The following MBNL1 variants were observed in gnomAD, a reference collection of about 807,000 sequenced individuals.
The protein encoded by MBNL1 is muscleblind-like protein 1.
Under a neutral mutation model 42.2 loss-of-function variants are expected in MBNL1, and 8 were observed. The ratio of observed to expected loss-of-function variants is 0.19; its 90% CI spans 0.11 to 0.34. The LOEUF (loss-of-function observed/expected upper bound fraction) is 0.34, where lower values mean the gene tolerates loss of function less well. Among genes scored for constraint, MBNL1 ranks in the 10% least tolerant of loss-of-function variants. The pLI is 1.00. For missense variants in MBNL1, 309 were observed against 495.3 expected (o/e 0.62, Z 3.57); for synonymous variants, 169 against 173.9 (o/e 0.97, Z 0.22).
At chr3:152,400,267 T>C (rs181648026) in intron 2 of MBNL1, among the ~76,000 whole-genome samples, 30 of 152,314 alleles carry the variant, frequency 2.0e-4, no homozygotes, top group Admixed American at 1.8e-3. Flanking sequence ...ACATCTTCTC[T>C]CCTTACTTGA....
chr3:152,438,352 A>G (rs956798904), intron 4 of MBNL1, among the ~76,000 whole-genome samples: 9 of 152,238 alleles, frequency 5.9e-5, no homozygotes, highest in African/African-American at 2.2e-4. Flanking sequence ...TGTTAAATGA[A>G]TGGATAAATG....
At chr3:152,342,536 A>G (rs1406388119) in intron 2 of MBNL1, among the ~76,000 whole-genome samples, 2 of 144,896 alleles carry the variant, frequency 1.4e-5, no homozygotes, top group Non-Finnish European at 3.0e-5. Flanking sequence ...ACTCTGTCTT[A>G]CTGGGAAACT....
intron 6 of MBNL1, among the ~76,000 whole-genome samples, chr3:152,452,213 T>C (rs1476125521): frequency 2.0e-5 from 3 of 152,260 alleles, no homozygotes; most frequent in Admixed American, 2.0e-4. Context: ...ATGCATAATT[T>C]AGGATCTATT....
chr3:152,349,482 T>A (rs528389874), intron 2 of MBNL1, among the ~76,000 whole-genome samples: 1 of 152,264 alleles, frequency 6.6e-6, no homozygotes, highest in African/African-American at 2.4e-5. Context: ...GGAAACTGAC[T>A]TTGAACAGAT....
intron 2 of MBNL1, among the ~76,000 whole-genome samples, chr3:152,365,545 T>C (rs2096300180): frequency 6.6e-6 from 1 of 152,186 alleles, no homozygotes; most frequent in Non-Finnish European, 1.5e-5. Context: ...CAGAGGTTGC[T>C]AAAAGGATGT....
chr3:152,279,983 A>T lies in MBNL1; in HGVS notation c.-790+10891A>T, dbSNP rs538394720. 9.9e-4 allele frequency among the ~76,000 whole-genome samples: 151 copies of T among 152,272 alleles called. 1 individual carries two copies. Among genetic ancestry groups the T allele is most frequent in the African/African-American group, 3.6e-3 (148 of 41,572 alleles). On this transcript the variant is annotated intron_variant, in intron 1 of 9. Coordinates refer to ENST00000324210, the MANE Select transcript of MBNL1 (RefSeq NM_021038.5). The stretch of plus-strand genomic sequence containing the variant: ...TTTGCTAACAAATTCCTCTCTTCAT[A>T]GAGCTATTTAGAACATATGGCAAAT...
At chr3:152,400,894 G>A (rs1460567287) in intron 2 of MBNL1, among the ~76,000 whole-genome samples, 1 of 152,190 alleles carries the variant, frequency 6.6e-6, no homozygotes, top group African/African-American at 2.4e-5. Flanking sequence ...AAAAGGTTGT[G>A]GTTGATTGGT....
chr3:152,416,654 C>T (rs2153657390), intron 3 of MBNL1, among the ~76,000 whole-genome samples: 1 of 152,288 alleles, frequency 6.6e-6, no homozygotes, highest in East Asian at 1.9e-4. Flanking sequence ...ACTGGGAGCA[C>T]CTTTGAGATC....
Position 152,357,417 on chromosome 3 carries a change from A to G in MBNL1, c.174+57050A>G, listed in dbSNP as rs530613389. ...ATGGCTGTTGTGAGTTGTGTATAAA[A>G]TAATACTGTTTTGTAAATATAAATC... On this transcript the variant is annotated intron_variant, in intron 2 of 9. Transcript: ENST00000324210. 2.6e-5 allele frequency among the ~76,000 whole-genome samples: 4 copies of G among 152,358 alleles called. No homozygotes were observed. In the South Asian group the frequency reaches 8.3e-4, roughly 32 times the overall value.
intron 9 of MBNL1, among the ~76,000 whole-genome samples, chr3:152,459,971 T>A (rs550225424): frequency 6.6e-6 from 1 of 150,644 alleles, no homozygotes; most frequent in East Asian, 1.9e-4. Flanking sequence ...GTAATGAGTT[T>A]GGCTAAGCGT....
At chr3:152,263,565 G>A (rs1455725872), upstream of MBNL1, 5 of 152,162 alleles carry the variant, frequency 3.3e-5, no homozygotes, top group Non-Finnish European at 7.3e-5. Flanking sequence ...TGGGTCCCCA[G>A]CCATTTGCTG....
At chr3:152,347,073 T>C (rs1454367503) in intron 2 of MBNL1, among the ~76,000 whole-genome samples, 1 of 151,962 alleles carries the variant, frequency 6.6e-6, no homozygotes, top group East Asian at 1.9e-4. Context: ...AAGTTTAGGA[T>C]TGAGAGATTG....
At chr3:152,322,559 A>T (rs888291054) in intron 2 of MBNL1, among the ~76,000 whole-genome samples, 1 of 152,092 alleles carries the variant, frequency 6.6e-6, no homozygotes, top group African/African-American at 2.4e-5. Flanking sequence ...CATCTATATT[A>T]TCTCAGTCTG....
At chr3:152,333,750 A>G in intron 2 of MBNL1, among the ~76,000 whole-genome samples, 1 of 152,254 alleles carries the variant, frequency 6.6e-6, no homozygotes, top group East Asian at 1.9e-4. Flanking sequence ...TACCATTGAT[A>G]TTATTTGCTG....
Position 152,351,858 on chromosome 3 carries a change from T to G in MBNL1, c.174+51491T>G, listed in dbSNP as rs148313041. ...CACATGATAAAGCCTTATTAAATGT[T>G]AGCTACTATTATTATATTTTCAGAT... On this transcript the variant is annotated intron_variant, in intron 2 of 9. Transcript: ENST00000324210. Among the ~76,000 whole-genome samples, 555 of 152,346 alleles carry G rather than the reference T, an allele frequency of 3.6e-3. 4 individuals are homozygous for G. The highest frequency in any genetic ancestry group is 6.7e-3 in the Non-Finnish European group (457 of 68,020).
At chr3:152,303,740 C>T (rs2061691686) in intron 2 of MBNL1, among the ~76,000 whole-genome samples, 1 of 151,890 alleles carries the variant, frequency 6.6e-6, no homozygotes. Context: ...AAAAAAAAAG[C>T]TTTTACGATA....
At chr3:152,403,205 TAA>T (rs36081596) in intron 2 of MBNL1, among the ~76,000 whole-genome samples, 1 of 150,778 alleles carries the variant, frequency 6.6e-6, no homozygotes, top group Non-Finnish European at 1.5e-5. Flanking sequence ...TCTGGTTTGT[TAA>T]AAAAAAAACT....
chr3:152,345,349 A>G (rs2094067787), intron 2 of MBNL1, among the ~76,000 whole-genome samples: 1 of 152,124 alleles, frequency 6.6e-6, no homozygotes, highest in Non-Finnish European at 1.5e-5. Flanking sequence ...GTAAGATGGA[A>G]TGGCTCAAAT....
At chr3:152,318,740 G>A (rs2074069711) in intron 2 of MBNL1, among the ~76,000 whole-genome samples, 1 of 152,084 alleles carries the variant, frequency 6.6e-6, no homozygotes, top group Non-Finnish European at 1.5e-5. Context: ...TGAAAAGACA[G>A]GCTGCAAATC....
Sources: gnomAD v4.1 joint callset for allele counts (sites outside exome capture counted in the v4.1 genomes callset) on GRCh38, gnomAD v4.1.1 for gene constraint, MANE v1.5 for transcripts, NCBI Gene and HGNC (gene_info 2026-07-23, HGNC 2026-07-21) for gene names.